Variants in SLC12A7 observed in about 807,000 individuals in gnomAD.
SLC12A7 encodes solute carrier family 12 member 7.
A neutral mutation model predicts 120.6 loss-of-function variants in SLC12A7; 100 were observed. The observed-to-expected ratio is 0.83, with a 90% CI of 0.71 to 0.98. The LOEUF (loss-of-function observed/expected upper bound fraction) is 0.98. Among genes scored for constraint, SLC12A7 ranks in the 50% least tolerant of loss-of-function variants. The pLI, the probability that SLC12A7 is intolerant of heterozygous loss-of-function variation, is 0.00. For missense variants in SLC12A7, 1,373 were observed against 1,548.1 expected, an observed-to-expected ratio of 0.89 and a Z score of 1.90; for synonymous variants, 760 against 678.0, an observed-to-expected ratio of 1.12 and a Z score of -1.88.
At chr5:1,075,873 C>T in intron 14 of SLC12A7, 2 of 527,542 alleles carry the variant, frequency 3.8e-6, no homozygotes, top group Non-Finnish European at 6.7e-6. Context: ...ACGGGAGGTA[C>T]AAGGCACATG....
At chr5:1,104,909 G>A (rs889232292) in intron 1 of SLC12A7, among the ~76,000 whole-genome samples, 46 of 152,308 alleles carry the variant, frequency 3.0e-4, no homozygotes, top group African/African-American at 1.0e-3. Context: ...CCCCTGCAAC[G>A]GCAGCACACG....
At chr5:1,084,589 G>C (rs1471101290) in intron 7 of SLC12A7, among the ~76,000 whole-genome samples, 1 of 152,222 alleles carries the variant, frequency 6.6e-6, no homozygotes, top group African/African-American at 2.4e-5. Flanking sequence ...GTCTCAGGAC[G>C]GGTCCCCGAG....
At chr5:1,069,593 A>T (rs971990918) in intron 17 of SLC12A7, among the ~76,000 whole-genome samples, 1 of 152,196 alleles carries the variant, frequency 6.6e-6, no homozygotes, top group Non-Finnish European at 1.5e-5. Flanking sequence ...ATGAGGGGGA[A>T]GGAGGAGGCT....
chr5:1,097,569 G>C (rs1741395822), intron 1 of SLC12A7, among the ~76,000 whole-genome samples: 1 of 152,246 alleles, frequency 6.6e-6, no homozygotes, highest in Non-Finnish European at 1.5e-5. Context: ...GTGCAGGGCT[G>C]TGCGCCAGCG....
At chr5:1,060,941 G>A (rs1417025138) in intron 20 of SLC12A7, among the ~76,000 whole-genome samples, 2 of 151,990 alleles carry the variant, frequency 1.3e-5, no homozygotes, top group Non-Finnish European at 2.9e-5. Context: ...GGACCCCTGC[G>A]CCTCACCCGG....
At chr5:1,123,931 T>C in the SLC12A7 span, among the ~76,000 whole-genome samples, 16,032 of 152,294 alleles carry the variant, frequency 0.11, 929 homozygotes, top group East Asian at 0.2. Context: ...ACCTTAAATA[T>C]TTGGCTTGCA....
chr5:1,139,471 T>G, the SLC12A7 span, among the ~76,000 whole-genome samples: 8 of 152,374 alleles, frequency 5.3e-5, no homozygotes, highest in African/African-American at 1.9e-4. Context: ...CGGTTGACAC[T>G]GCCTGGGCCT....
chr5:1,080,985 CAG>C (rs920186625), intron 9 of SLC12A7, among the ~76,000 whole-genome samples: 29 of 127,268 alleles, frequency 2.3e-4, no homozygotes, highest in Middle Eastern at 3.9e-3. Flanking sequence ...GAACACACTA[CAG>C]AGAGAGAGAC....
Position 1,076,811 on chromosome 5 carries a change from A to T in SLC12A7, c.1631T>A (p.Val544Glu). The change falls in exon 13 of 24, where the codon GTG becomes GAG. Residue 544 changes from valine to glutamate, a missense_variant and splice_region_variant. By Grantham distance (121) the Val-to-Glu change is moderately radical. Transcript: ENST00000264930. ...ARDGIVPFLQ[V>E]FGHGKANGEP... ...CCCGTTGGCCTTCCCGTGGCCAAAC[A>T]CCTGCAGGGAGAAGGGCAGGAAGAT... The T allele has an allele frequency of 6.2e-7, 1 of 1,602,592 alleles. No homozygotes were observed. Among genetic ancestry groups the T allele is most frequent in the African/African-American group, 1.3e-5 (1 of 74,936 alleles).
intron 14 of SLC12A7, chr5:1,075,922 A>G: frequency 1.8e-6 from 1 of 541,856 alleles, no homozygotes; most frequent in Non-Finnish European, 3.3e-6. Context: ...GGCCTTCCTC[A>G]GGTGCAGTCT....
intron 18 of SLC12A7, among the ~76,000 whole-genome samples, chr5:1,064,853 A>ATGGTGAGGGGACCGCGAGGG (rs1405503053): frequency 2.2e-5 from 1 of 44,612 alleles, no homozygotes; most frequent in Non-Finnish European, 4.3e-5. Context: ...GACGGCGAGG[A>ATGGTGAGGGGACCGCGAGGG]GACGGCGAGG....
chr5:1,087,899 A>G (rs1320015183), intron 5 of SLC12A7, among the ~76,000 whole-genome samples: 1 of 152,232 alleles, frequency 6.6e-6, no homozygotes, highest in African/African-American at 2.4e-5. Context: ...TTTAGTTATT[A>G]TGTATTGTAA....
At chr5:1,147,517 G>A in the SLC12A7 span, among the ~76,000 whole-genome samples, 1 of 151,976 alleles carries the variant, frequency 6.6e-6, no homozygotes, top group Non-Finnish European at 1.5e-5. Flanking sequence ...AGGCTTCTAC[G>A]TCACCAGCAC....
rs566646933 is a variant in SLC12A7 at position 1,050,977 on chromosome 5, T to C, written c.*1383A>G. 20 of 398,670 alleles carry C rather than the reference T, an allele frequency of 5.0e-5. No homozygotes were observed. Among genetic ancestry groups the C allele is most frequent in the Non-Finnish European group, 7.1e-5 (16 of 226,064 alleles). The allele number at this position is 398,670 out of a possible 1,614,324, so 24.7% of individuals were successfully genotyped here. On this transcript the variant is annotated 3_prime_UTR_variant, in exon 24 of 24. Transcript: ENST00000264930. ...AGACGTAGCCCAAGGCCTGGCCATC[T>C]GGGGCCTCTAGTATATAGAAGCAAC...
chr5:1,075,303 C>G, intron 15 of SLC12A7, 68 bp downstream of exon 15: 2 of 1,564,738 alleles, frequency 1.3e-6, no homozygotes, highest in Non-Finnish European at 1.7e-6. Context: ...GGAGCTGCCC[C>G]AGGCATAGCA....
At chr5:1,079,905 G>T (rs1018517903) in intron 9 of SLC12A7, among the ~76,000 whole-genome samples, 1 of 152,238 alleles carries the variant, frequency 6.6e-6, no homozygotes, top group Non-Finnish European at 1.5e-5. Context: ...CAGCCAGCCA[G>T]GCCAGCAGAC....
chr5:1,067,511 G>C (rs116306539), intron 17 of SLC12A7, among the ~76,000 whole-genome samples: 3,027 of 152,322 alleles, frequency 0.02, 89 homozygotes, highest in African/African-American at 0.064. Context: ...CTTGTGCCCC[G>C]ATCTGGCCGG....
At chr5:1,120,193 A>G in the SLC12A7 span, among the ~76,000 whole-genome samples, 2 of 152,250 alleles carry the variant, frequency 1.3e-5, no homozygotes, top group African/African-American at 2.4e-5. Context: ...CATAAGAGAA[A>G]GGCTGACAAA....
chr5:1,057,442 C>T (rs763233257), intron 22 of SLC12A7, 29 bp downstream of exon 22: 2 of 1,580,196 alleles, frequency 1.3e-6, no homozygotes, highest in Non-Finnish European at 1.7e-6. Context: ...AGGATCTGTT[C>T]CCCCCAGGCC....
Sources: gnomAD v4.1 joint callset for allele counts (sites outside exome capture counted in the v4.1 genomes callset) on GRCh38, gnomAD v4.1.1 for gene constraint, MANE v1.5 for transcripts, NCBI Gene and HGNC (gene_info 2026-07-23, HGNC 2026-07-21) for gene names.